SDK1: variants seen among roughly 807,000 people sequenced by gnomAD.
SDK1 encodes protein sidekick-1.
Under a neutral mutation model 245.5 loss-of-function variants are expected in SDK1, and 157 were observed. The ratio of observed to expected loss-of-function variants is 0.64; its 90% CI spans 0.56 to 0.73. The LOEUF (loss-of-function observed/expected upper bound fraction) is 0.73, where lower values mean the gene tolerates loss of function less well. Ranked by LOEUF, SDK1 falls within the 30% of genes least tolerant of loss-of-function variation. SDK1 has a pLI of 0.00. For synonymous variants in SDK1, 1,647 were observed against 1,278.5 expected, an observed-to-expected ratio of 1.29 and a Z score of -6.15; for missense variants, 3,583 against 3,002.3, an observed-to-expected ratio of 1.19 and a Z score of -4.52.
At position 3,554,614 on chromosome 7, in the gene SDK1, C is replaced by T. The variant is rs139432495; in HGVS notation, c.299-64466C>T. Among the ~76,000 whole-genome samples the T allele has an allele frequency of 3.6e-3, 543 of 152,316 alleles. 1 individual carries two copies. Among genetic ancestry groups the T allele is most frequent in the Non-Finnish European group, 6.2e-3 (424 of 68,032 alleles). On this transcript the variant is annotated intron_variant, in intron 1 of 44. Transcript: ENST00000404826. ...GAACCAAGAATCAGGTGAGCAATCA[C>T]AGTACCTGGTTTTAGCATCATACTA... is the stretch of plus-strand genomic sequence containing the variant.
intron 35 of SDK1, among the ~76,000 whole-genome samples, chr7:4,199,059 C>A (rs1396340860): frequency 2.6e-5 from 4 of 152,204 alleles, no homozygotes; most frequent in Non-Finnish European, 5.9e-5. Flanking sequence ...AGGTGATCCA[C>A]CCTCCTCGGC....
intron 1 of SDK1, among the ~76,000 whole-genome samples, chr7:3,334,231 G>A (rs538416562): frequency 6.6e-6 from 1 of 152,288 alleles, no homozygotes; most frequent in East Asian, 1.9e-4. Context: ...TATGGTTTCC[G>A]AGTATAGCTG....
intron 1 of SDK1, among the ~76,000 whole-genome samples, chr7:3,455,035 C>T (rs1190651049): frequency 6.6e-6 from 1 of 152,006 alleles, no homozygotes; most frequent in African/African-American, 2.4e-5. Context: ...GATAGGTATG[C>T]AGTGATATCT....
rs1407614180 is a variant in SDK1 at position 4,060,028 on chromosome 7, C to A, written c.2912-7810C>A. 2.0e-5 allele frequency among the ~76,000 whole-genome samples: 3 copies of A among 151,878 alleles called. No homozygotes were observed. In the East Asian group the frequency reaches 5.8e-4, roughly 29 times the overall value. On this transcript the variant is annotated intron_variant, in intron 19 of 44. Transcript: ENST00000404826. Reference sequence around the variant, plus strand: ...CTCAGTAGCTGGGATTACAGGCGCCCACCACCACACCTAGCTAACTTTTTT... The same window carrying A: ...CTCAGTAGCTGGGATTACAGGCGCCAACCACCACACCTAGCTAACTTTTTT...
chr7:3,301,619 TGGCGGCGGC>T lies in SDK1; in HGVS notation c.41_49del (p.Gly14_Gly16del), dbSNP rs957787144. The T allele has an allele frequency of 1.1e-5, 11 of 968,292 alleles. No homozygotes were observed. Among genetic ancestry groups the T allele is most frequent in the Admixed American group, 6.7e-5 (1 of 15,002 alleles). The allele number at this position is 968,292 out of a possible 1,614,324, so 60.0% of individuals were successfully genotyped here. A position where few individuals can be genotyped will look rare whatever the true frequency, so the allele number is the denominator to read the frequency against. ...GGGGCGCCCGGCCCTCGGCGGCCGG[TGGCGGCGGC>T]GGCGGCGCGGAGCCCCCTGAGCGCG... On this transcript the variant is annotated inframe_deletion, in exon 1 of 45. Coordinates refer to ENST00000404826, the MANE Select transcript of SDK1 (RefSeq NM_152744.4).
chr7:4,040,897 T>C (rs930165094), intron 17 of SDK1, among the ~76,000 whole-genome samples: 3 of 152,340 alleles, frequency 2.0e-5, no homozygotes, highest in African/African-American at 7.2e-5. Context: ...TTGGCACAGC[T>C]GCCGGCATTC....
At chr7:3,401,801 A>G (rs1026525486) in intron 1 of SDK1, among the ~76,000 whole-genome samples, 1 of 152,174 alleles carries the variant, frequency 6.6e-6, no homozygotes, top group African/African-American at 2.4e-5. Context: ...AACTGTTAAC[A>G]TCTGAATCTT....
At chr7:3,815,573 C>T (rs1258398860) in intron 4 of SDK1, among the ~76,000 whole-genome samples, 5 of 148,238 alleles carry the variant, frequency 3.4e-5, no homozygotes, top group African/African-American at 1.3e-4. Context: ...GTCTAAAATT[C>T]TCTTTTTTGG....
At chr7:3,606,427 A>C (rs1003906841) in intron 1 of SDK1, among the ~76,000 whole-genome samples, 1 of 152,120 alleles carries the variant, frequency 6.6e-6, no homozygotes, top group East Asian at 1.9e-4. Flanking sequence ...AACTTATCAA[A>C]CTTTTGCTAA....
In SDK1 at chr7:3,858,220, A is replaced by G. The variant is rs111342408; in HGVS notation, c.847+36637A>G. Among the ~76,000 whole-genome samples the G allele has an allele frequency of 6.6e-3, 1,004 of 152,232 alleles. 15 individuals are homozygous for G. The highest frequency in any genetic ancestry group is 0.023 in the African/African-American group (941 of 41,530). ...TGTGTGGTGAAAAGAGAAAATTGCT[A>G]AACAGTACATATAATATGATATCAT... On this transcript the variant is annotated intron_variant, in intron 5 of 44. Coordinates refer to ENST00000404826, the MANE Select transcript of SDK1 (RefSeq NM_152744.4).
intron 1 of SDK1, among the ~76,000 whole-genome samples, chr7:3,407,400 C>T (rs1374328297): frequency 6.6e-6 from 1 of 152,158 alleles, no homozygotes; most frequent in Admixed American, 6.5e-5. Flanking sequence ...TTCTGGTGAC[C>T]ATCCTGCCAA....
At chr7:4,172,234 C>T (rs1403651183) in intron 32 of SDK1, among the ~76,000 whole-genome samples, 1 of 152,218 alleles carries the variant, frequency 6.6e-6, no homozygotes, top group Non-Finnish European at 1.5e-5. Flanking sequence ...ATGGCAGTGG[C>T]CTGGGGGCTG....
chr7:4,174,404 G>C, intron 33 of SDK1, 47 bp downstream of exon 33: 1 of 1,592,924 alleles, frequency 6.3e-7, no homozygotes, highest in Non-Finnish European at 8.6e-7. Flanking sequence ...GGTTCCCAGG[G>C]GACCCTTGGT....
intron 5 of SDK1, among the ~76,000 whole-genome samples, chr7:3,830,984 C>T (rs1583458262): frequency 6.6e-6 from 1 of 152,122 alleles, no homozygotes; most frequent in East Asian, 1.9e-4. Context: ...TTCTTTCTAG[C>T]TCTTATCACT....
rs572382676 is a variant in SDK1 at position 3,758,061 on chromosome 7, C to T, written c.714-63389C>T. Among the ~76,000 whole-genome samples the T allele has an allele frequency of 1.2e-4, 18 of 152,244 alleles. No homozygotes were observed. In the East Asian group the frequency reaches 1.9e-3, roughly 16 times the overall value. ...TCATTATACCACAGTTCCTTAGAAG[C>T]AAGTTGTCAAGTCCAGCCCACAGTC... On this transcript the variant is annotated intron_variant, in intron 4 of 44. Coordinates refer to ENST00000404826, the MANE Select transcript of SDK1 (RefSeq NM_152744.4).
In SDK1 at chr7:3,349,009, G is replaced by A. The variant is rs568013788; in HGVS notation, c.298+47125G>A. On this transcript the variant is annotated intron_variant, in intron 1 of 44. Coordinates refer to ENST00000404826, the MANE Select transcript of SDK1 (RefSeq NM_152744.4). ...CCCTCACGTTTTTGTGCATGTCACT[G>A]TGGCATTTATGTGACTGGTCTGCGC... Among the ~76,000 whole-genome samples the A allele has an allele frequency of 1.8e-4, 28 of 152,222 alleles. 1 individual carries two copies. Among genetic ancestry groups the A allele is most frequent in the Admixed American group, 9.2e-4 (14 of 15,296 alleles).
chr7:3,966,581 G>A (rs1782101329), intron 9 of SDK1, among the ~76,000 whole-genome samples: 1 of 152,130 alleles, frequency 6.6e-6, no homozygotes, highest in Non-Finnish European at 1.5e-5. Flanking sequence ...TATCTTTATG[G>A]AGGTCTTTGA....
chr7:3,985,731 G>A (rs763363343), intron 13 of SDK1, among the ~76,000 whole-genome samples: 2 of 152,168 alleles, frequency 1.3e-5, no homozygotes, highest in Middle Eastern at 3.4e-3. Flanking sequence ...ATTCTTTATC[G>A]CACTAATGTA....
chr7:3,916,479 A>G (rs536192167), intron 5 of SDK1, among the ~76,000 whole-genome samples: 7 of 152,282 alleles, frequency 4.6e-5, no homozygotes, highest in African/African-American at 1.7e-4. Context: ...AAAGGGGTTT[A>G]TTTGAACTCT....
Sources: gnomAD v4.1 joint callset for allele counts (sites outside exome capture counted in the v4.1 genomes callset) on GRCh38, gnomAD v4.1.1 for gene constraint, MANE v1.5 for transcripts, NCBI Gene and HGNC (gene_info 2026-07-23, HGNC 2026-07-21) for gene names.